BAZ2B: variants seen among roughly 807,000 people sequenced by gnomAD.
BAZ2B encodes bromodomain adjacent to zinc finger domain protein 2B.
A neutral mutation model predicts 246.0 loss-of-function variants in BAZ2B; 91 were observed. The observed-to-expected ratio is 0.37, with a 90% CI of 0.31 to 0.44. BAZ2B has a LOEUF of 0.44. Among genes scored for constraint, BAZ2B ranks in the 20% least tolerant of loss-of-function variants. BAZ2B has a pLI of 1.00. For missense variants in BAZ2B, 2,332 were observed against 2,533.7 expected, an observed-to-expected ratio of 0.92 and a Z score of 1.71; for synonymous variants, 855 against 860.0, an observed-to-expected ratio of 0.99 and a Z score of 0.10.
At chr2:159,360,453 G>A (rs975774244) in intron 27 of BAZ2B, among the ~76,000 whole-genome samples, 1 of 152,182 alleles carries the variant, frequency 6.6e-6, no homozygotes, top group Non-Finnish European at 1.5e-5. Flanking sequence ...GGAAATAAGA[G>A]AGGACACAAA....
chr2:159,347,980 T>C (rs1408447874), intron 30 of BAZ2B, among the ~76,000 whole-genome samples: 1 of 152,164 alleles, frequency 6.6e-6, no homozygotes, highest in Non-Finnish European at 1.5e-5. Flanking sequence ...GGACCCCCTC[T>C]GCCCCCATGA....
chr2:159,570,433 G>A (rs562669717), intron 1 of BAZ2B, among the ~76,000 whole-genome samples: 6 of 152,162 alleles, frequency 3.9e-5, no homozygotes, highest in African/African-American at 9.6e-5. Context: ...CGCCCGCCTC[G>A]GCCTCCCAAA....
At chr2:159,561,886 C>A (rs2089914755) in intron 1 of BAZ2B, among the ~76,000 whole-genome samples, 1 of 152,082 alleles carries the variant, frequency 6.6e-6, no homozygotes, top group South Asian at 2.1e-4. Context: ...GTTTATTTTA[C>A]CATAGAATCT....
rs2062523030 is a variant in BAZ2B at position 159,320,091 on chromosome 2, T to C, written c.*174A>G. ...AACCAATAACCGAGGGCCTTGGTTG[T>C]TGTAGGAATGAAGCCTTTAAAAATG... On this transcript the variant is annotated 3_prime_UTR_variant, in exon 37 of 37. Transcript: ENST00000392783. The C allele has an allele frequency of 3.6e-6, 2 of 550,366 alleles. No homozygotes were observed. Among genetic ancestry groups the C allele is most frequent in the African/African-American group, 4.0e-5 (2 of 50,348 alleles). 34.1% of individuals were successfully genotyped at this position (550,366 alleles called of 1,614,324 possible).
Position 159,350,142 on chromosome 2 carries a change from T to C in BAZ2B, c.4429A>G (p.Lys1477Glu), listed in dbSNP as rs751962126. The C allele has an allele frequency of 2.5e-6, 4 of 1,613,966 alleles. No individual in the cohort carries two copies. The African/African-American group carries it at 5.3e-5, about 22-fold the overall frequency. Residue 1477 changes from lysine to glutamate, a missense_variant, in exon 28 of 37, where the codon AAG (lysine) becomes GAG (glutamate). Physicochemically the swap from Lys to Glu is moderately conservative, Grantham distance 56. Around this residue, in one of 9 missense-constraint regions of BAZ2B, gnomAD observed 676 missense variants for 668.6 expected, o/e 1.01. Transcript: ENST00000392783. ...ATAACCTCTGACTCAGGAGGCATCT[T>C]AGCTACTTCCAAAAGCTTGCTTAAT... Reference protein sequence around the residue: ...SKLSKLLEVAKMPPESEVMTP... With the variant: ...SKLSKLLEVAEMPPESEVMTP...
chr2:159,385,780 G>A (rs2062580968), intron 22 of BAZ2B, among the ~76,000 whole-genome samples: 1 of 152,212 alleles, frequency 6.6e-6, no homozygotes, highest in East Asian at 1.9e-4. Flanking sequence ...GGTTTTACTG[G>A]CTGGGGATAA....
chr2:159,610,605 A>T lies in BAZ2B; in HGVS notation c.-46+5637T>A, dbSNP rs537531904. ...CCTTTTTCTTATATACCATGCACAC[A>T]TGTGCACAACACAAAATTAGTAAAG... On this transcript the variant is annotated intron_variant, in intron 1 of 36. Coordinates refer to ENST00000392783, the MANE Select transcript of BAZ2B (RefSeq NM_013450.4). 3.3e-5 allele frequency among the ~76,000 whole-genome samples: 5 copies of T among 152,348 alleles called. No individual in the cohort carries two copies. In the East Asian group the frequency reaches 9.7e-4, roughly 29 times the overall value.
intron 31 of BAZ2B, among the ~76,000 whole-genome samples, chr2:159,340,733 A>G (rs2066538592): frequency 6.6e-6 from 1 of 152,090 alleles, no homozygotes. Flanking sequence ...ATTCATCACC[A>G]CTAGGCTAAA....
intron 27 of BAZ2B, among the ~76,000 whole-genome samples, chr2:159,355,140 T>G (rs2058965597): frequency 6.6e-6 from 1 of 152,036 alleles, no homozygotes; most frequent in Admixed American, 6.6e-5. Flanking sequence ...TTTACTAAAC[T>G]CTAAGTGAAA....
At chr2:159,678,657 A>G in the BAZ2B span, among the ~76,000 whole-genome samples, 2 of 152,070 alleles carry the variant, frequency 1.3e-5, no homozygotes, top group African/African-American at 4.8e-5. Flanking sequence ...ACTATTCTAC[A>G]TTTTTTCCTA....
At chr2:159,530,417 G>T (rs2085253993) in intron 2 of BAZ2B, among the ~76,000 whole-genome samples, 1 of 152,048 alleles carries the variant, frequency 6.6e-6, no homozygotes, top group Admixed American at 6.6e-5. Flanking sequence ...ACTGATAAAT[G>T]CAGCAATTTT....
intron 13 of BAZ2B, among the ~76,000 whole-genome samples, chr2:159,427,616 G>T (rs1184659830): frequency 6.6e-6 from 1 of 152,076 alleles, no homozygotes; most frequent in Non-Finnish European, 1.5e-5. Flanking sequence ...AAAACTAGCT[G>T]TACTTTTCAG....
the BAZ2B span, among the ~76,000 whole-genome samples, chr2:159,631,222 G>GA: frequency 4.0e-5 from 6 of 151,820 alleles, no homozygotes; most frequent in African/African-American, 1.5e-4. Flanking sequence ...TAAATAAAAA[G>GA]AAAAAAATGA....
At chr2:159,542,376 C>G (rs549981790) in intron 2 of BAZ2B, among the ~76,000 whole-genome samples, 20 of 152,262 alleles carry the variant, frequency 1.3e-4, no homozygotes, top group African/African-American at 4.6e-4. Flanking sequence ...AAGAGATCCA[C>G]ACAAAGACAC....
At chr2:159,526,033 G>C (rs1355562833) in intron 2 of BAZ2B, among the ~76,000 whole-genome samples, 1 of 152,110 alleles carries the variant, frequency 6.6e-6, no homozygotes, top group African/African-American at 2.4e-5. Context: ...TTTGTACTAA[G>C]GTGTGGCAGA....
chr2:159,469,906 C>T (rs1359835494), intron 3 of BAZ2B, among the ~76,000 whole-genome samples: 1 of 152,116 alleles, frequency 6.6e-6, no homozygotes, highest in Non-Finnish European at 1.5e-5. Context: ...TTGAAAAACA[C>T]AAGAGAGGCA....
chr2:159,703,611 T>C, the BAZ2B span, among the ~76,000 whole-genome samples: 1 of 152,178 alleles, frequency 6.6e-6, no homozygotes, highest in Non-Finnish European at 1.5e-5. Flanking sequence ...GGGCCAGGCA[T>C]GGTGGCCTGC....
chr2:159,559,945 T>C (rs1361723184), intron 1 of BAZ2B, among the ~76,000 whole-genome samples: 3 of 152,130 alleles, frequency 2.0e-5, no homozygotes, highest in Admixed American at 6.5e-5. Context: ...TCAATAATAT[T>C]AACCCCCAGA....
intron 3 of BAZ2B, chr2:159,461,789 C>T (rs181177979): frequency 6.5e-6 from 1 of 152,860 alleles, no homozygotes; most frequent in Non-Finnish European, 1.5e-5. Context: ...TGGTTCAAGT[C>T]TTTGGATTTA....
Sources: allele counts gnomAD v4.1 joint callset (sites outside exome capture counted in the v4.1 genomes callset), GRCh38; gene constraint gnomAD v4.1.1; regional missense constraint gnomAD v4.1.1; transcripts MANE v1.5; gene names NCBI Gene and HGNC (gene_info 2026-07-23, HGNC 2026-07-21).